Variants in FLT1 observed in about 807,000 individuals in gnomAD.
FLT1 encodes the protein fms related receptor tyrosine kinase 1.
In FLT1, 49 loss-of-function variants were observed where a neutral mutation model predicts 156.3. The ratio of observed to expected loss-of-function variants is 0.31; its 90% CI spans 0.25 to 0.40. FLT1 has a LOEUF of 0.40. FLT1 is among the 10% of genes least tolerant of loss of function. The pLI is 1.00. For synonymous variants in FLT1, 594 were observed against 583.8 expected (o/e 1.02, Z -0.25); for missense variants, 1,322 against 1,637.2 (o/e 0.81, Z 3.32).
intron 13 of FLT1, chr13:28,388,396 C>T (rs1874497378): frequency 5.7e-6 from 6 of 1,056,650 alleles, no homozygotes; most frequent in Non-Finnish European, 6.9e-6. Context: ...ATATTGTCAC[C>T]TCCTATTGAA....
At chr13:28,337,511 G>C (rs1052192771) in intron 17 of FLT1, among the ~76,000 whole-genome samples, 1 of 152,178 alleles carries the variant, frequency 6.6e-6, no homozygotes, top group Non-Finnish European at 1.5e-5. Context: ...TCAATCAGAG[G>C]AGTGTACCTC....
chr13:28,338,554 A>G (rs1444195226), intron 17 of FLT1, among the ~76,000 whole-genome samples: 1 of 152,220 alleles, frequency 6.6e-6, no homozygotes, highest in East Asian at 1.9e-4. Context: ...CTGGAAAACA[A>G]CAGTCTTTGC....
chr13:28,390,122 A>G lies in FLT1; in HGVS notation c.1661-18T>C. On this transcript the variant is annotated intron_variant, in intron 12 of 29. Transcript: ENST00000282397. ...TGGCACATCTATAAAATAAGAATAA[A>G]GAACTTCAGTTCACAGAAAAATCAG... is the stretch of plus-strand genomic sequence containing the variant. 3 of 1,609,556 alleles carry G rather than the reference A, an allele frequency of 1.9e-6. No homozygotes were observed. Among genetic ancestry groups the G allele is most frequent in the Non-Finnish European group, 2.6e-6 (3 of 1,176,202 alleles).
intron 3 of FLT1, among the ~76,000 whole-genome samples, chr13:28,464,943 A>C (rs543632776): frequency 6.6e-5 from 10 of 152,320 alleles, no homozygotes; most frequent in South Asian, 2.1e-4. Flanking sequence ...AGAATGAATA[A>C]ATTTTTCTCC....
chr13:28,381,709 T>C (rs954693072), intron 14 of FLT1, among the ~76,000 whole-genome samples: 5 of 152,184 alleles, frequency 3.3e-5, no homozygotes, highest in Non-Finnish European at 7.3e-5. Context: ...CCCATCTTGG[T>C]AGTGTGTCAT....
chr13:28,485,953 T>A (rs600263), intron 1 of FLT1, among the ~76,000 whole-genome samples: 4 of 151,998 alleles, frequency 2.6e-5, no homozygotes, highest in Non-Finnish European at 4.4e-5. Flanking sequence ...CAGCTGAGCC[T>A]AGCCCAAAGG....
intron 16 of FLT1, among the ~76,000 whole-genome samples, chr13:28,343,602 C>T (rs946001722): frequency 3.3e-5 from 5 of 151,478 alleles, no homozygotes; most frequent in African/African-American, 7.3e-5. Flanking sequence ...GGCCACCACG[C>T]GCGGCCTGCC....
Position 28,322,747 on chromosome 13 carries a change from A to C in FLT1, c.2953+43T>G. On this transcript the variant is annotated intron_variant, in intron 21 of 29. Transcript: ENST00000282397. This position sits in a 1 kb window ranked among gnomAD's most constrained non-coding sequence, Gnocchi z 4.3. ...ATTTCAGAGATGCATAGTATGTTGT[A>C]AAAATATCTCAGCGCGTAGGACAGG... is the stretch of plus-strand genomic sequence containing the variant. 1 of 1,596,066 alleles carries C rather than the reference A, an allele frequency of 6.3e-7. No homozygotes were observed. Among genetic ancestry groups the C allele is most frequent in the Admixed American group, 1.7e-5 (1 of 60,008 alleles).
intron 3 of FLT1, among the ~76,000 whole-genome samples, chr13:28,458,459 T>C (rs898956784): frequency 2.6e-5 from 4 of 152,244 alleles, no homozygotes; most frequent in African/African-American, 9.6e-5. Context: ...CCCCAGAAAT[T>C]GTTTTCTCTC....
intron 13 of FLT1, chr13:28,385,618 G>A (rs1370501623): frequency 9.8e-7 from 1 of 1,015,354 alleles, no homozygotes; most frequent in East Asian, 6.8e-5. Context: ...AGCAACCAAA[G>A]AATTAATTCA....
At chr13:28,381,612 A>G (rs1874082039) in intron 14 of FLT1, among the ~76,000 whole-genome samples, 1 of 152,114 alleles carries the variant, frequency 6.6e-6, no homozygotes, top group South Asian at 2.1e-4. Context: ...CAGTTTACCA[A>G]TTTCTTTCAC....
chr13:28,384,622 T>C (rs888656243), intron 14 of FLT1, among the ~76,000 whole-genome samples: 1 of 152,186 alleles, frequency 6.6e-6, no homozygotes, highest in African/African-American at 2.4e-5. Flanking sequence ...CTCTTCTCAT[T>C]TCTTTCTGAA....
intron 1 of FLT1, among the ~76,000 whole-genome samples, chr13:28,478,215 C>T (rs910043291): frequency 6.6e-6 from 1 of 152,162 alleles, no homozygotes; most frequent in African/African-American, 2.4e-5. Context: ...AGGCATCCTC[C>T]GTGTTCTCTT....
intron 1 of FLT1, among the ~76,000 whole-genome samples, chr13:28,470,195 C>A (rs1476117208): frequency 2.0e-5 from 3 of 152,196 alleles, no homozygotes; most frequent in Non-Finnish European, 4.4e-5. Context: ...ATCAAGTCAA[C>A]CCCTTCAGGT....
chr13:28,369,420 G>A (rs531579622), intron 14 of FLT1, among the ~76,000 whole-genome samples: 6 of 152,066 alleles, frequency 3.9e-5, no homozygotes, highest in African/African-American at 7.3e-5. Context: ...AGCTACTCAC[G>A]AGGCTGAGGC....
At chr13:28,367,999 C>G (rs1593713378) in intron 14 of FLT1, 1 of 204,012 alleles carries the variant, frequency 4.9e-6, no homozygotes, top group Non-Finnish European at 8.7e-6. Context: ...TGACTTTGTA[C>G]CTATTATGTT....
At chr13:28,338,084 C>CA (rs766957578) in intron 17 of FLT1, among the ~76,000 whole-genome samples, 70 of 152,066 alleles carry the variant, frequency 4.6e-4, no homozygotes, top group Non-Finnish European at 9.0e-4. Flanking sequence ...AACTGATTTC[C>CA]AAGTTTCCTC....
At chr13:28,325,312 C>T (rs143362402) in intron 20 of FLT1, among the ~76,000 whole-genome samples, 1 of 152,260 alleles carries the variant, frequency 6.6e-6, no homozygotes, top group African/African-American at 2.4e-5. Flanking sequence ...GCACCACTTT[C>T]CACTTTTTCT....
chr13:28,325,845 T>C (rs1411222926), intron 20 of FLT1, among the ~76,000 whole-genome samples: 1 of 148,176 alleles, frequency 6.7e-6, no homozygotes, highest in Non-Finnish European at 1.5e-5. Flanking sequence ...AAAAGGTTCT[T>C]ATTATTAGAG....
Sources: allele counts gnomAD v4.1 joint callset (sites outside exome capture counted in the v4.1 genomes callset), GRCh38; gene constraint gnomAD v4.1.1; non-coding constraint Gnocchi (gnomAD v3.1); transcripts MANE v1.5; gene names NCBI Gene and HGNC (gene_info 2026-07-23, HGNC 2026-07-21).